The following PSIP1 variants were observed in gnomAD, a reference collection of about 807,000 sequenced individuals.
PSIP1 encodes the protein PC4 and SFRS1-interacting protein.
Under a neutral mutation model 74.7 loss-of-function variants are expected in PSIP1, and 19 were observed. That is an observed-to-expected ratio of 0.25 (90% CI 0.18 to 0.37). The LOEUF (loss-of-function observed/expected upper bound fraction) is 0.37, where lower values mean the gene tolerates loss of function less well. Among genes scored for constraint, PSIP1 ranks in the 10% least tolerant of loss-of-function variants. The probability of loss-of-function intolerance (pLI) is 1.00; values close to 1 mark genes in which losing one functional copy is unlikely to be tolerated. For synonymous variants in PSIP1, 222 were observed against 195.3 expected (o/e 1.14, Z -1.14); for missense variants, 601 against 614.3 (o/e 0.98, Z 0.23).
chr9:15,506,615 G>T lies in PSIP1; in HGVS notation c.95C>A (p.Ala32Asp). ...TAGTTTGTTTGTGGGTGGCTTTACA[G>T]CTCCATCAGGAACTTCGTCTACCTA... ...PARVDEVPDG[A>D]VKPPTNKLPI... The change falls in exon 3 of 16, where the codon GCT (alanine) becomes GAT (aspartate). Residue 32 changes from alanine to aspartate, a missense_variant. Coordinates refer to ENST00000380733, the MANE Select transcript of PSIP1 (RefSeq NM_033222.5). 6.2e-7 allele frequency: 1 copy of T among 1,612,046 alleles called. No individual in the cohort carries two copies. The highest frequency in any genetic ancestry group is 8.5e-7 in the Non-Finnish European group (1 of 1,178,380).
At chr9:15,499,372 TA>T (rs1267103696) in intron 3 of PSIP1, among the ~76,000 whole-genome samples, 1 of 152,238 alleles carries the variant, frequency 6.6e-6, no homozygotes, top group African/African-American at 2.4e-5. Flanking sequence ...AGTTTTATAA[TA>T]CTGAGGCAGC....
intron 9 of PSIP1, 105 bp downstream of exon 9, chr9:15,473,904 C>CAAAAAAAAAAAAAAAAAAAAAA (rs372363481): frequency 1.6e-6 from 1 of 629,988 alleles, no homozygotes; most frequent in Non-Finnish European, 2.1e-6. Context: ...CCATCTCAAA[C>CAAAAAAAAAAAAAAAAAAAAAA]AAAAAAAAAA....
Position 15,464,298 on chromosome 9 carries a change from TAC to T in PSIP1, c.*1220_*1221del. Reference sequence around the variant, plus strand: ...TCAGAGGGTCAACCACACAATGTCATACAGAGACGCTGGTCTTAAGCCATTTT... The same window carrying T: ...TCAGAGGGTCAACCACACAATGTCATAGAGACGCTGGTCTTAAGCCATTTT... On this transcript the variant is annotated 3_prime_UTR_variant, in exon 16 of 16. Coordinates refer to ENST00000380733, the MANE Select transcript of PSIP1 (RefSeq NM_033222.5). 1 of 194,542 alleles carries T rather than the reference TAC, an allele frequency of 5.1e-6. No individual in the cohort carries two copies. The highest frequency in any genetic ancestry group is 1.1e-5 in the Non-Finnish European group (1 of 93,486). The allele number at this position is 194,542 out of a possible 1,614,324, so 12.1% of individuals were successfully genotyped here.
At chr9:15,479,038 AC>A (rs1199465738) in intron 7 of PSIP1, among the ~76,000 whole-genome samples, 1 of 151,754 alleles carries the variant, frequency 6.6e-6, no homozygotes. Flanking sequence ...TACTCATCTT[AC>A]CCCCCATTTT....
At chr9:15,470,995 C>T (rs2035803198) in intron 10 of PSIP1, 1 of 1,348,742 alleles carries the variant, frequency 7.4e-7, no homozygotes, top group South Asian at 1.8e-5. Context: ...TAGTGTGTAC[C>T]TTACAGGAAA....
intron 3 of PSIP1, chr9:15,492,307 G>A (rs1350249881): frequency 2.0e-5 from 3 of 152,220 alleles, no homozygotes; most frequent in African/African-American, 7.2e-5. Context: ...ATCCCAAATG[G>A]GAGAAACTGA....
intron 6 of PSIP1, chr9:15,485,787 G>C: frequency 2.5e-6 from 1 of 396,936 alleles, no homozygotes. Flanking sequence ...ATGAAAACTG[G>C]TGTATTTTAT....
At chr9:15,491,725 G>T (rs192790193) in intron 3 of PSIP1, among the ~76,000 whole-genome samples, 1 of 152,142 alleles carries the variant, frequency 6.6e-6, no homozygotes, top group Non-Finnish European at 1.5e-5. Flanking sequence ...CCATTCTCAC[G>T]CTGCTATGAA....
At chr9:15,485,825 G>A in intron 6 of PSIP1, 181 bp downstream of exon 6, 1 of 468,870 alleles carries the variant, frequency 2.1e-6, no homozygotes, top group South Asian at 4.3e-5. Context: ...TTACTTTAAG[G>A]GTGCTATATC....
chr9:15,487,757 C>G (rs941595779), intron 4 of PSIP1, among the ~76,000 whole-genome samples: 3 of 152,160 alleles, frequency 2.0e-5, no homozygotes, highest in African/African-American at 7.2e-5. Flanking sequence ...ATTAGCTATT[C>G]TTCTCACACG....
intron 3 of PSIP1, 166 bp downstream of exon 3, chr9:15,506,395 G>T: frequency 2.1e-6 from 1 of 479,772 alleles, no homozygotes; most frequent in Non-Finnish European, 3.7e-6. Flanking sequence ...TAAACCTATA[G>T]CATCTGTAAA....
intron 3 of PSIP1, among the ~76,000 whole-genome samples, chr9:15,497,323 TCC>T (rs1394444711): frequency 1.3e-4 from 19 of 141,650 alleles, no homozygotes; most frequent in African/African-American, 5.8e-4. Context: ...GTTCTATGAT[TCC>T]TTTTTTTTTT....
chr9:15,465,591 G>A lies in PSIP1; in HGVS notation c.1533-11C>T, dbSNP rs2132025869. The A allele has an allele frequency of 6.4e-7, 1 of 1,562,556 alleles. No homozygotes were observed. Among genetic ancestry groups the A allele is most frequent in the Non-Finnish European group, 8.8e-7 (1 of 1,140,490 alleles). On this transcript the variant is annotated splice_polypyrimidine_tract_variant and intron_variant, in intron 15 of 15. Transcript: ENST00000380733. ...TCTTCACTGGATGGCCTGAAGAAAA[G>A]GGGGAAAGGTACAACTGGAATTAGG...
In PSIP1 at chr9:15,498,917, A is replaced by G. The variant is rs1475786335; in HGVS notation, c.149+7644T>C. On this transcript the variant is annotated intron_variant, in intron 3 of 15. Coordinates refer to ENST00000380733, the MANE Select transcript of PSIP1 (RefSeq NM_033222.5). The stretch of plus-strand genomic sequence containing the variant: ...ACAAGTTTGAAAAAAACACGTCAAA[A>G]TATTACCAGGTTTAGGGGTTATTTC... Among the ~76,000 whole-genome samples, 5 of 152,334 alleles carry G rather than the reference A, an allele frequency of 3.3e-5. No homozygotes were observed. In the East Asian group the frequency reaches 9.6e-4, roughly 29 times the overall value.
At position 15,483,582 on chromosome 9, in the gene PSIP1, G is replaced by GT. The variant is rs757957239; in HGVS notation, c.456+2423dup. ...ATTTATTTTTTGTCTAAAAAAAAAT[G>GT]TAAGTTCAATGGAAACAAAGACCTT... is the stretch of plus-strand genomic sequence containing the variant. On this transcript the variant is annotated intron_variant, in intron 6 of 15. Transcript: ENST00000380733. 4.6e-5 allele frequency among the ~76,000 whole-genome samples: 7 copies of GT among 152,132 alleles called. No homozygotes were observed. In the East Asian group the frequency reaches 5.8e-4, roughly 13 times the overall value.
chr9:15,468,140 AAG>A (rs1479268502), intron 14 of PSIP1, among the ~76,000 whole-genome samples: 26 of 149,502 alleles, frequency 1.7e-4, no homozygotes, highest in African/African-American at 5.1e-4. Context: ...AAAAAAAAAA[AAG>A]GACATGGCAT....
chr9:15,490,588 C>T (rs567567696), intron 3 of PSIP1, among the ~76,000 whole-genome samples: 3 of 145,974 alleles, frequency 2.1e-5, no homozygotes, highest in Admixed American at 7.2e-5. Flanking sequence ...GAGGATGAGG[C>T]AGGAGAATCG....
At position 15,479,634 on chromosome 9, in the gene PSIP1, T is replaced by C. The variant is rs372072905; in HGVS notation, c.510A>G (p.Ala170=). The C allele has an allele frequency of 5.6e-6, 9 of 1,610,770 alleles. No individual in the cohort carries two copies. In the African/African-American group the frequency reaches 1.2e-4, roughly 22 times the overall value. The change falls in exon 7 of 16, where the codon GCA becomes GCG. Residue 170 remains alanine (A), a synonymous_variant. Transcript: ENST00000380733. ...EEAGVVTTAT[A]SVNLKVSPKR... ...TAGGACTCACTTTTAGATTAACAGA[T>C]GCTGTTGCTGTTGTCACTACTCCTG...
chr9:15,466,666 G>GTAAGA, intron 15 of PSIP1, 82 bp downstream of exon 15: 1 of 1,076,970 alleles, frequency 9.3e-7, no homozygotes, highest in Non-Finnish European at 1.3e-6. Flanking sequence ...GCTTATTATA[G>GTAAGA]TAAGATAACC....
Sources: gnomAD v4.1 joint callset for allele counts (sites outside exome capture counted in the v4.1 genomes callset) on GRCh38, gnomAD v4.1.1 for gene constraint, MANE v1.5 for transcripts, NCBI Gene and HGNC (gene_info 2026-07-23, HGNC 2026-07-21) for gene names.